The following CX3CR1 variants were observed in gnomAD, a reference collection of about 807,000 sequenced individuals.
CX3CR1 encodes C-X3-C motif chemokine receptor 1, also known as CX3C chemokine receptor 1.
For synonymous variants in CX3CR1, 168 were observed against 178.5 expected (o/e 0.94, Z 0.47); for missense variants, 363 against 432.4 (o/e 0.84, Z 1.42).
At chr3:39,286,464 C>T (rs1369059352), upstream of CX3CR1, 1 of 151,626 alleles carries the variant, frequency 6.6e-6, no homozygotes, top group Non-Finnish European at 1.5e-5. Context: ...TCCTGGCTAA[C>T]AAGGTGAAAC....
At chr3:39,278,651 TTTTC>T in intron 1 of CX3CR1, among the ~76,000 whole-genome samples, 1 of 111,912 alleles carries the variant, frequency 8.9e-6, no homozygotes, top group Non-Finnish European at 1.7e-5. Flanking sequence ...TTTTTTTTTC[TTTTC>T]TTTTTTTTTT....
chr3:39,281,035 T>G (rs2040891693), upstream of CX3CR1: 5 of 978,280 alleles, frequency 5.1e-6, no homozygotes, highest in Non-Finnish European at 6.1e-6. Flanking sequence ...CATCCGGTGC[T>G]CCCTTACCTC....
intron 1 of CX3CR1, among the ~76,000 whole-genome samples, chr3:39,277,486 C>T (rs2040852874): frequency 6.6e-6 from 1 of 152,204 alleles, no homozygotes; most frequent in Non-Finnish European, 1.5e-5. Context: ...CCGTGACCTG[C>T]TGTGGAGCAG....
At chr3:39,280,811 G>A (rs2125557444), upstream of CX3CR1, among the ~76,000 whole-genome samples, 1 of 152,316 alleles carries the variant, frequency 6.6e-6, no homozygotes, top group Admixed American at 6.5e-5. Flanking sequence ...CCCTGGCCTG[G>A]CCAGCTTGGG....
At position 39,266,760 on chromosome 3, in the gene CX3CR1, A is replaced by G. The variant is rs139670764; in HGVS notation, c.-9-242T>C. 1.1e-4 allele frequency: 76 copies of G among 718,628 alleles called. 3 individuals are homozygous for G. The highest frequency in any genetic ancestry group is 9.1e-4 in the African/African-American group (53 of 58,198). 44.5% of individuals were successfully genotyped at this position (718,628 alleles called of 1,614,324 possible). On this transcript the variant is annotated intron_variant, in intron 1 of 1. Transcript: ENST00000399220. ...TGACTTGCCCAAAGCCATGCAGTAA[A>G]TGGCTCTGTGAGCATTTGGCTCTAG...
At chr3:39,281,477 A>T, upstream of CX3CR1, 1 of 839,458 alleles carries the variant, frequency 1.2e-6, no homozygotes, top group Non-Finnish European at 1.9e-6. Flanking sequence ...TCTTGACGAC[A>T]GTCTCATCCA....
chr3:39,270,809 G>T (rs376565773), intron 1 of CX3CR1, among the ~76,000 whole-genome samples: 1 of 152,054 alleles, frequency 6.6e-6, no homozygotes, highest in South Asian at 2.1e-4. Context: ...TAATTAATTC[G>T]TTTGGAATTT....
At chr3:39,279,858 C>T in intron 1 of CX3CR1, 96 bp downstream of exon 1, 1 of 479,442 alleles carries the variant, frequency 2.1e-6, no homozygotes, top group African/African-American at 2.1e-5. Flanking sequence ...AAAATGGTTT[C>T]CATTGTCTGC....
intron 1 of CX3CR1, among the ~76,000 whole-genome samples, chr3:39,271,428 G>A (rs746243974): frequency 1.1e-4 from 17 of 152,138 alleles, no homozygotes; most frequent in Admixed American, 3.3e-4. Context: ...AAAGAGATTC[G>A]TCAGCTCTAT....
At chr3:39,281,805 T>C, upstream of CX3CR1, 1 of 812,462 alleles carries the variant, frequency 1.2e-6, no homozygotes, top group Non-Finnish European at 2.0e-6. Flanking sequence ...GCAGGCTCTC[T>C]TCCCTTCCCA....
chr3:39,266,787 C>CT, intron 1 of CX3CR1: 1 of 623,720 alleles, frequency 1.6e-6, no homozygotes, highest in Admixed American at 2.0e-5. Flanking sequence ...TGGCTCTAGG[C>CT]ATTTTTTTTT....
intron 1 of CX3CR1, among the ~76,000 whole-genome samples, chr3:39,275,121 C>T (rs1217842014): frequency 6.6e-6 from 1 of 152,234 alleles, no homozygotes; most frequent in East Asian, 1.9e-4. Context: ...CTCAGCCTCT[C>T]AAAGTGCTGG....
At chr3:39,276,096 G>A (rs938849816) in intron 1 of CX3CR1, among the ~76,000 whole-genome samples, 1 of 152,200 alleles carries the variant, frequency 6.6e-6, no homozygotes, top group African/African-American at 2.4e-5. Flanking sequence ...AGGGAAATAG[G>A]AACAGAAGGC....
At chr3:39,278,061 G>C (rs893743477) in intron 1 of CX3CR1, among the ~76,000 whole-genome samples, 1 of 152,194 alleles carries the variant, frequency 6.6e-6, no homozygotes, top group Non-Finnish European at 1.5e-5. Flanking sequence ...CCAGTGCACA[G>C]TCACCAAGTG....
Position 39,265,948 on chromosome 3 carries a change from G to A in CX3CR1, c.562C>T (p.Pro188Ser), listed in dbSNP as rs956955089. The change falls in exon 2 of 2, where the codon CCC becomes TCC. Residue 188 changes from proline (P) to serine (S), a missense_variant. Transcript: ENST00000399220. Reference protein sequence around the residue: ...DYPEVLQEIWPVLRNVETNFL... With the variant: ...DYPEVLQEIWSVLRNVETNFL... ...TTTGTTTCCACATTGCGGAGCACGG[G>A]CCAGATTTCCTGGAGGACCTCGGGG... 1.2e-5 allele frequency: 20 copies of A among 1,614,058 alleles called. No individual in the cohort carries two copies. Among genetic ancestry groups the A allele is most frequent in the Non-Finnish European group, 1.6e-5 (19 of 1,180,036 alleles).
At chr3:39,267,555 A>G (rs2040719926) in intron 1 of CX3CR1, among the ~76,000 whole-genome samples, 1 of 152,176 alleles carries the variant, frequency 6.6e-6, no homozygotes, top group South Asian at 2.1e-4. Flanking sequence ...TAGCCCTGAA[A>G]GTCCCATCTA....
chr3:39,292,573 T>C, the CX3CR1 span, among the ~76,000 whole-genome samples: 1 of 152,330 alleles, frequency 6.6e-6, no homozygotes, highest in South Asian at 2.1e-4. Flanking sequence ...TAAAACATAG[T>C]AATAGACACT....
upstream of CX3CR1, chr3:39,281,826 C>T (rs375954943): frequency 1.3e-4 from 88 of 695,262 alleles, no homozygotes; most frequent in Middle Eastern, 4.5e-3. Context: ...ACTCACCTGG[C>T]TGTCCTGTCC....
upstream of CX3CR1, among the ~76,000 whole-genome samples, chr3:39,284,619 GTACA>G (rs2040932053): frequency 6.6e-6 from 1 of 152,200 alleles, no homozygotes; most frequent in Non-Finnish European, 1.5e-5. Flanking sequence ...AGGAAAAGAC[GTACA>G]TCAAGGACTT....
Sources: gnomAD v4.1 joint callset for allele counts (sites outside exome capture counted in the v4.1 genomes callset) on GRCh38, gnomAD v4.1.1 for gene constraint, MANE v1.5 for transcripts, NCBI Gene and HGNC (gene_info 2026-07-23, HGNC 2026-07-21) for gene names.